Variants in RBFOX1 observed in about 807,000 individuals in gnomAD.
RBFOX1 encodes the protein RNA binding fox-1 homolog 1.
RBFOX1 carries 8 observed loss-of-function variants against 57.7 expected under a neutral mutation model. The ratio of observed to expected loss-of-function variants is 0.14; its 90% CI spans 0.08 to 0.25. The LOEUF (loss-of-function observed/expected upper bound fraction) is 0.25. RBFOX1 is among the 10% of genes least tolerant of loss of function. RBFOX1 has a pLI of 1.00. For synonymous variants in RBFOX1, 326 were observed against 222.4 expected (o/e 1.47, Z -4.15); for missense variants, 611 against 548.5 (o/e 1.11, Z -1.14).
intron 3 of RBFOX1, among the ~76,000 whole-genome samples, chr16:6,862,872 C>G (rs2059259077): frequency 6.7e-6 from 1 of 149,970 alleles, no homozygotes; most frequent in Non-Finnish European, 1.5e-5. Context: ...GTAATCCCAG[C>G]TACTCAGGAG....
intron 2 of RBFOX1, among the ~76,000 whole-genome samples, chr16:6,617,352 C>T (rs777211315): frequency 3.3e-5 from 5 of 152,070 alleles, no homozygotes; most frequent in Non-Finnish European, 1.5e-5. Context: ...TTAACCTATA[C>T]AGCAGAGACA....
chr16:6,545,944 G>C (rs1427968649), intron 2 of RBFOX1, among the ~76,000 whole-genome samples: 1 of 152,202 alleles, frequency 6.6e-6, no homozygotes, highest in South Asian at 2.1e-4. Context: ...TCTGTGTACT[G>C]TTGTCTAAAA....
At chr16:7,612,487 G>T (rs11640647) in intron 10 of RBFOX1, among the ~76,000 whole-genome samples, 75,060 of 151,194 alleles carry the variant, frequency 0.5, 19,835 homozygotes, top group Non-Finnish European at 0.58. Flanking sequence ...CTACCCAGTA[G>T]CAGGCCTCAT....
chr16:7,041,883 C>G (rs1319867354), intron 3 of RBFOX1, among the ~76,000 whole-genome samples: 1 of 151,932 alleles, frequency 6.6e-6, no homozygotes, highest in Admixed American at 6.6e-5. Flanking sequence ...ATTATGCTCA[C>G]AATAAAATTA....
At chr16:7,155,662 C>G (rs1160098257) in intron 4 of RBFOX1, among the ~76,000 whole-genome samples, 1 of 132,944 alleles carries the variant, frequency 7.5e-6, no homozygotes, top group Non-Finnish European at 1.6e-5. Flanking sequence ...CATGGAAGAG[C>G]TATCAGCCAC....
chr16:7,037,720 G>A (rs2044944417), intron 3 of RBFOX1, among the ~76,000 whole-genome samples: 1 of 152,184 alleles, frequency 6.6e-6, no homozygotes, highest in Admixed American at 6.5e-5. Context: ...ACCCAGGCAA[G>A]GAATTTGTTC....
chr16:6,230,207 A>T (rs538515996), intron 1 of RBFOX1, among the ~76,000 whole-genome samples: 71 of 152,320 alleles, frequency 4.7e-4, no homozygotes, highest in South Asian at 3.3e-3. Context: ...GCAATTAGTG[A>T]TTGGAATGAG....
intron 3 of RBFOX1, among the ~76,000 whole-genome samples, chr16:6,887,716 G>A (rs1228144054): frequency 2.0e-5 from 3 of 151,172 alleles, no homozygotes; most frequent in Non-Finnish European, 2.9e-5. Flanking sequence ...AGGTTGGAGT[G>A]CCCTGGTGCA....
rs142266056 is a variant in RBFOX1, at chr16:7,035,054, G to A, written c.-15-17003G>A. Reference sequence around the variant, plus strand: ...TTAGAGACAGGGTTTTACATTGTTGGCCAGGGTGGTCTCAAACTTGTGGCC... The same window carrying A: ...TTAGAGACAGGGTTTTACATTGTTGACCAGGGTGGTCTCAAACTTGTGGCC... On this transcript the variant is annotated intron_variant, in intron 3 of 15. Transcript: ENST00000550418. Among the ~76,000 whole-genome samples, 1,003 of 151,228 alleles carry A rather than the reference G, an allele frequency of 6.6e-3. 12 individuals carry two copies. Among genetic ancestry groups the A allele is most frequent in the African/African-American group, 0.023 (953 of 41,156 alleles).
chr16:5,643,215 A>G (rs1449219046), intron 3 of RBFOX1, among the ~76,000 whole-genome samples: 1 of 152,202 alleles, frequency 6.6e-6, no homozygotes, highest in Non-Finnish European at 1.5e-5. Context: ...CTAAAGTTAC[A>G]TGGCACATGG....
At chr16:7,143,916 C>G (rs1441366060) in intron 4 of RBFOX1, among the ~76,000 whole-genome samples, 2 of 152,144 alleles carry the variant, frequency 1.3e-5, no homozygotes, top group Non-Finnish European at 2.9e-5. Context: ...ACTGTAATGT[C>G]TATTCACAGA....
At chr16:5,526,707 C>A (rs979705515) in intron 2 of RBFOX1, among the ~76,000 whole-genome samples, 11 of 152,124 alleles carry the variant, frequency 7.2e-5, no homozygotes, top group African/African-American at 2.7e-4. Flanking sequence ...AACATCTAAC[C>A]CCCCTGCTGT....
At chr16:5,352,116 C>T (rs2065274869) in intron 1 of RBFOX1, among the ~76,000 whole-genome samples, 1 of 151,884 alleles carries the variant, frequency 6.6e-6, no homozygotes. Flanking sequence ...AGTCTCTATT[C>T]TTATTTTTGT....
chr16:5,817,803 C>A (rs1315466809), intron 3 of RBFOX1, among the ~76,000 whole-genome samples: 2 of 151,754 alleles, frequency 1.3e-5, no homozygotes, highest in Non-Finnish European at 2.9e-5. Flanking sequence ...GCGCCATTCT[C>A]CTGCCTCAGC....
intron 3 of RBFOX1, among the ~76,000 whole-genome samples, chr16:6,861,344 G>C (rs576843893): frequency 1.3e-5 from 2 of 152,206 alleles, no homozygotes; most frequent in African/African-American, 2.4e-5. Context: ...AAGGGCAGAT[G>C]AGTAAAGAGA....
intron 1 of RBFOX1, among the ~76,000 whole-genome samples, chr16:6,279,314 T>A (rs576232261): frequency 1.2e-4 from 18 of 152,298 alleles, no homozygotes; most frequent in Middle Eastern, 6.8e-3. Flanking sequence ...AAATAGAATT[T>A]TATTAACTAG....
chr16:6,030,197 G>T (rs1052365305), intron 1 of RBFOX1, among the ~76,000 whole-genome samples: 1 of 152,218 alleles, frequency 6.6e-6, no homozygotes, highest in Non-Finnish European at 1.5e-5. Context: ...GGGATTACAG[G>T]CATGAGCCAC....
chr16:6,813,490 C>T (rs528908805), intron 3 of RBFOX1, among the ~76,000 whole-genome samples: 22 of 152,252 alleles, frequency 1.4e-4, no homozygotes, highest in African/African-American at 5.1e-4. Flanking sequence ...GGGCCAATGG[C>T]TCTTTCCCCA....
chr16:5,646,208 G>A (rs2049051278), intron 3 of RBFOX1, among the ~76,000 whole-genome samples: 1 of 86,882 alleles, frequency 1.2e-5, no homozygotes, highest in Non-Finnish European at 2.8e-5. Flanking sequence ...TGTATTTTTA[G>A]TGGAGACAGG....
Sources: gnomAD v4.1 joint callset for allele counts (sites outside exome capture counted in the v4.1 genomes callset) on GRCh38, gnomAD v4.1.1 for gene constraint, MANE v1.5 for transcripts, NCBI Gene and HGNC (gene_info 2026-07-23, HGNC 2026-07-21) for gene names.